ADAMTS9: variants seen among roughly 807,000 people sequenced by gnomAD.
ADAMTS9 encodes ADAM metallopeptidase with thrombospondin type 1 motif 9.
In ADAMTS9, 107 loss-of-function variants were observed where a neutral mutation model predicts 257.1. The observed-to-expected ratio is 0.42, with a 90% CI of 0.36 to 0.49. ADAMTS9 has a LOEUF of 0.49. Ranked by LOEUF, ADAMTS9 falls within the 20% of genes least tolerant of loss-of-function variation. The pLI, the probability that ADAMTS9 is intolerant of heterozygous loss-of-function variation, is 0.03. For missense variants in ADAMTS9, 2,353 were observed against 2,469.1 expected (o/e 0.95, Z 1.00); for synonymous variants, 982 against 880.9 (o/e 1.11, Z -2.03).
Position 64,622,445 on chromosome 3 carries a change from C to T in ADAMTS9, c.2531G>A (p.Arg844His), listed in dbSNP as rs148570059. 3.2e-5 allele frequency: 52 copies of T among 1,613,918 alleles called. No individual in the cohort carries two copies. Among genetic ancestry groups the T allele is most frequent in the Middle Eastern group, 1.7e-4 (1 of 6,058 alleles). Residue 844 changes from arginine (R) to histidine (H), a missense_variant, in exon 17 of 40, where the codon CGC becomes CAC. By Grantham distance (29) the Arg-to-His change is conservative (BLOSUM62 0). Transcript: ENST00000498707. ...CTGAAGCAAAAGTTCTTGCTCAATG[C>T]GATCTGTTGAGTTAATTCTTTCTAC... ...TAVERINSTD[R>H]IEQELLLQVL... is the part of the protein sequence containing the mutation.
At chr3:64,574,490 A>G (rs1576051152) in intron 28 of ADAMTS9, among the ~76,000 whole-genome samples, 1 of 138,604 alleles carries the variant, frequency 7.2e-6, no homozygotes. Flanking sequence ...TGGGAGGCAG[A>G]GGTGGGAGGA....
chr3:64,520,625 G>A (rs1237112334), intron 39 of ADAMTS9, among the ~76,000 whole-genome samples: 1 of 151,950 alleles, frequency 6.6e-6, no homozygotes, highest in Non-Finnish European at 1.5e-5. Flanking sequence ...AACAGAATAA[G>A]GAACCCAGAA....
chr3:64,592,101 C>T (rs1238658182), intron 28 of ADAMTS9, among the ~76,000 whole-genome samples: 1 of 152,154 alleles, frequency 6.6e-6, no homozygotes, highest in East Asian at 1.9e-4. Context: ...ACTGCCCTCT[C>T]ACTCATATAT....
chr3:64,610,364 A>C (rs1364728908), intron 22 of ADAMTS9, among the ~76,000 whole-genome samples: 2 of 152,218 alleles, frequency 1.3e-5, no homozygotes, highest in African/African-American at 4.8e-5. Flanking sequence ...CTGATAAGGA[A>C]TTGACATCTA....
Position 64,541,199 on chromosome 3 carries a change from T to C in ADAMTS9, c.5417A>G (p.Asn1806Ser). 1 of 1,614,158 alleles carries C rather than the reference T, an allele frequency of 6.2e-7. No homozygotes were observed. The highest frequency in any genetic ancestry group is 8.5e-7 in the Non-Finnish European group (1 of 1,180,020). The change falls in exon 36 of 40, where the codon AAC (asparagine) becomes AGC (serine). Residue 1806 changes from asparagine (N) to serine (S), a missense_variant. Physicochemically the swap from Asn to Ser is conservative, Grantham distance 46. Coordinates refer to ENST00000498707, the MANE Select transcript of ADAMTS9 (RefSeq NM_182920.2). ...RLHNPTECPY[N>S]GSRRDDCQCR... Reference sequence around the variant, plus strand: ...TTGGCAGTCATCGCGCCGGCTCCCGTTATAGGGACATTCTGTTGGGTTGTG... The same window carrying C: ...TTGGCAGTCATCGCGCCGGCTCCCGCTATAGGGACATTCTGTTGGGTTGTG...
intron 38 of ADAMTS9, among the ~76,000 whole-genome samples, chr3:64,525,177 C>T (rs981523126): frequency 3.3e-5 from 5 of 152,094 alleles, no homozygotes; most frequent in East Asian, 1.9e-4. Flanking sequence ...CATAACGATA[C>T]GAAATATACA....
intron 11 of ADAMTS9, among the ~76,000 whole-genome samples, chr3:64,646,015 C>T (rs772364800): frequency 6.6e-6 from 1 of 152,180 alleles, no homozygotes; most frequent in African/African-American, 2.4e-5. Context: ...CTTGACAGCA[C>T]GTTCATGACA....
At chr3:64,648,562 T>A (rs1056440519) in intron 10 of ADAMTS9, among the ~76,000 whole-genome samples, 8 of 152,232 alleles carry the variant, frequency 5.3e-5, no homozygotes, top group African/African-American at 1.9e-4. Context: ...TTTAAAAGAT[T>A]TTTTATCTTT....
chr3:64,577,626 G>C (rs1038828785), intron 28 of ADAMTS9, among the ~76,000 whole-genome samples: 2 of 152,188 alleles, frequency 1.3e-5, no homozygotes, highest in Non-Finnish European at 1.5e-5. Flanking sequence ...TGTGATTGAA[G>C]GCCTGGACTG....
chr3:64,643,622 T>A (rs1227517950), intron 11 of ADAMTS9, among the ~76,000 whole-genome samples: 1 of 151,512 alleles, frequency 6.6e-6, no homozygotes, highest in South Asian at 2.1e-4. Context: ...TCAGCTAAAT[T>A]TTTTTATCTT....
At chr3:64,607,636 G>A (rs1333329999) in intron 22 of ADAMTS9, among the ~76,000 whole-genome samples, 1 of 152,178 alleles carries the variant, frequency 6.6e-6, no homozygotes, top group Non-Finnish European at 1.5e-5. Context: ...ACAGTAAGTA[G>A]AGGAAGTGAT....
chr3:64,647,191 T>G (rs1700817871), intron 11 of ADAMTS9, among the ~76,000 whole-genome samples: 1 of 152,106 alleles, frequency 6.6e-6, no homozygotes, highest in African/African-American at 2.4e-5. Context: ...AATGCCAATT[T>G]CCATGTGTAT....
At chr3:64,526,455 T>G (rs1471595041) in intron 38 of ADAMTS9, among the ~76,000 whole-genome samples, 1 of 152,192 alleles carries the variant, frequency 6.6e-6, no homozygotes, top group African/African-American at 2.4e-5. Flanking sequence ...ATTTCTATCC[T>G]CCCACCTGGT....
intron 29 of ADAMTS9, among the ~76,000 whole-genome samples, chr3:64,565,136 T>C (rs1396363827): frequency 6.6e-6 from 1 of 152,194 alleles, no homozygotes; most frequent in Non-Finnish European, 1.5e-5. Context: ...ACTCTAGTTC[T>C]CCTCACTGAC....
intron 19 of ADAMTS9, among the ~76,000 whole-genome samples, chr3:64,619,664 G>C (rs1700057412): frequency 1.3e-5 from 2 of 152,042 alleles, no homozygotes; most frequent in South Asian, 4.2e-4. Context: ...ATATTAATAG[G>C]ATAATATATA....
At chr3:64,550,732 G>C in intron 31 of ADAMTS9, 160 bp downstream of exon 31, 1 of 806,218 alleles carries the variant, frequency 1.2e-6, no homozygotes, top group Non-Finnish European at 1.9e-6. Flanking sequence ...ATTCTAGCTT[G>C]GGAAAGCTGA....
chr3:64,561,696 C>T lies in ADAMTS9; in HGVS notation c.4580G>A (p.Gly1527Glu). 1 of 1,613,908 alleles carries T rather than the reference C, an allele frequency of 6.2e-7. No homozygotes were observed. The highest frequency in any genetic ancestry group is 8.5e-7 in the Non-Finnish European group (1 of 1,179,972). Residue 1527 changes from glycine (G) to glutamate (E), a missense_variant, in exon 30 of 40, where the codon GGA (glycine) becomes GAA (glutamate). Around this residue, in one of 3 missense-constraint regions of ADAMTS9, gnomAD observed 1,402 missense variants for 1,441.4 expected, o/e 0.97. Coordinates refer to ENST00000498707, the MANE Select transcript of ADAMTS9 (RefSeq NM_182920.2). ...VQQRHVGCQI[G>E]THKIARETEC... ...GGTCTCTCTGGCTATTTTGTGTGTT[C>T]CGATCTGACAGCCCACATGCCTCTG...
intron 30 of ADAMTS9, among the ~76,000 whole-genome samples, chr3:64,555,691 C>G (rs1010270686): frequency 6.6e-6 from 1 of 152,012 alleles, no homozygotes; most frequent in Admixed American, 6.6e-5. Flanking sequence ...AAAGGTGGGC[C>G]CAGGTAGCAG....
At chr3:64,648,180 G>T in intron 10 of ADAMTS9, 136 bp from the exon 11 acceptor site, 2 of 765,626 alleles carry the variant, frequency 2.6e-6, no homozygotes, top group East Asian at 2.7e-5. Context: ...TTCTTGGTAT[G>T]ATAAATGCTA....
Sources: allele counts gnomAD v4.1 joint callset (sites outside exome capture counted in the v4.1 genomes callset), GRCh38; gene constraint gnomAD v4.1.1; regional missense constraint gnomAD v4.1.1; transcripts MANE v1.5; gene names NCBI Gene and HGNC (gene_info 2026-07-23, HGNC 2026-07-21).